Variants in WNT3A observed in about 807,000 individuals in gnomAD.
WNT3A encodes the protein Wnt family member 3A.
In WNT3A, 17 loss-of-function variants were observed where a neutral mutation model predicts 37.0. The ratio of observed to expected loss-of-function variants is 0.46; its 90% CI spans 0.31 to 0.69. The LOEUF (loss-of-function observed/expected upper bound fraction) is 0.69. Among genes scored for constraint, WNT3A ranks in the 30% least tolerant of loss-of-function variants. The pLI is 0.05. For synonymous variants in WNT3A, 187 were observed against 211.0 expected, an observed-to-expected ratio of 0.89 and a Z score of 0.99; for missense variants, 411 against 510.2, an observed-to-expected ratio of 0.81 and a Z score of 1.87.
At chr1:228,049,948 T>A (rs1322799168) in intron 2 of WNT3A, among the ~76,000 whole-genome samples, 1 of 152,004 alleles carries the variant, frequency 6.6e-6, no homozygotes, top group East Asian at 1.9e-4. Flanking sequence ...TTGCTAATTT[T>A]AACATTTTTT....
intron 2 of WNT3A, among the ~76,000 whole-genome samples, chr1:228,033,325 C>T (rs899332957): frequency 6.6e-6 from 1 of 150,760 alleles, no homozygotes; most frequent in Non-Finnish European, 1.5e-5. Flanking sequence ...GTGCTTACAT[C>T]TCGGTCTTTA....
In WNT3A at chr1:228,060,235, C is replaced by G; in HGVS notation, c.*770C>G. 2 of 1,351,786 alleles carry G rather than the reference C, an allele frequency of 1.5e-6. No individual in the cohort carries two copies. Among genetic ancestry groups the G allele is most frequent in the Non-Finnish European group, 9.8e-7 (1 of 1,021,536 alleles). The allele number at this position is 1,351,786 out of a possible 1,614,324, so 83.7% of individuals were successfully genotyped here. On this transcript the variant is annotated 3_prime_UTR_variant, in exon 4 of 4. Coordinates refer to ENST00000284523, the MANE Select transcript of WNT3A (RefSeq NM_033131.4). ...GCTCCAGAGCAGGAAATTCAGCCCA[C>G]CAGCCACCTCATCCCCAACCCCCTG...
chr1:228,053,288 GA>G (rs968010904), intron 3 of WNT3A, among the ~76,000 whole-genome samples: 1 of 151,826 alleles, frequency 6.6e-6, no homozygotes, highest in Non-Finnish European at 1.5e-5. Flanking sequence ...TAGCAACATG[GA>G]AAAAAAATAA....
chr1:228,008,281 C>A lies in WNT3A; in HGVS notation c.71+1082C>A, dbSNP rs926888173. Among the ~76,000 whole-genome samples, 1 of 152,210 alleles carries A rather than the reference C, an allele frequency of 6.6e-6. No individual in the cohort carries two copies. Among genetic ancestry groups the A allele is most frequent in the Non-Finnish European group, 1.5e-5 (1 of 68,040 alleles). On this transcript the variant is annotated intron_variant, in intron 1 of 3. Coordinates refer to ENST00000284523, the MANE Select transcript of WNT3A (RefSeq NM_033131.4). This position sits in a 1 kb window ranked among gnomAD's most constrained non-coding sequence, Gnocchi z 4.9. Reference sequence around the variant, plus strand: ...TCCCCACAAGCATGCACACTCCCCCCCATCCTTCTCCGACGGCAGCCTGGA... The same window carrying A: ...TCCCCACAAGCATGCACACTCCCCCACATCCTTCTCCGACGGCAGCCTGGA...
At position 228,041,106 on chromosome 1, in the gene WNT3A, C is replaced by T. The variant is rs960742915; in HGVS notation, c.314-9550C>T. ...GTCTCAACAAAATAAAAGCACTTGG[C>T]AGTCCTCTGTTAGTCCCCAGATGCT... On this transcript the variant is annotated intron_variant, in intron 2 of 3. Transcript: ENST00000284523. Among the ~76,000 whole-genome samples, 93 of 151,732 alleles carry T rather than the reference C, an allele frequency of 6.1e-4. 1 individual carries two copies. The Middle Eastern group carries it at 0.01, about 17-fold the overall frequency.
chr1:228,055,799 C>T (rs1241688274), intron 3 of WNT3A, among the ~76,000 whole-genome samples: 1 of 152,166 alleles, frequency 6.6e-6, no homozygotes, highest in Non-Finnish European at 1.5e-5. Flanking sequence ...TTATAGCCCA[C>T]TCACTCCACT....
intron 1 of WNT3A, among the ~76,000 whole-genome samples, chr1:228,013,870 G>A (rs1185845078): frequency 6.6e-6 from 1 of 152,220 alleles, no homozygotes; most frequent in South Asian, 2.1e-4. Context: ...CCCATGGAGT[G>A]GCCCTGATCT....
At chr1:228,040,468 C>T (rs757087447) in intron 2 of WNT3A, among the ~76,000 whole-genome samples, 5 of 152,152 alleles carry the variant, frequency 3.3e-5, no homozygotes, top group Non-Finnish European at 2.9e-5. Flanking sequence ...GAGGCTGCAG[C>T]CTTCTTTGCC....
At chr1:228,021,494 T>A (rs1214589970) in intron 1 of WNT3A, among the ~76,000 whole-genome samples, 2 of 152,012 alleles carry the variant, frequency 1.3e-5, no homozygotes, top group Non-Finnish European at 2.9e-5. Flanking sequence ...GAGCCCCTCC[T>A]CCCCACGTGC....
rs1469335673 is a variant in WNT3A at position 228,007,022 on chromosome 1, G to T, written c.-107G>T. 1.4e-5 allele frequency: 9 copies of T among 625,908 alleles called. No individual in the cohort carries two copies. Among genetic ancestry groups the T allele is most frequent in the Admixed American group, 5.5e-5 (1 of 18,026 alleles). The allele number at this position is 625,908 out of a possible 1,614,324, so 38.8% of individuals were successfully genotyped here. A position where few individuals can be genotyped will look rare whatever the true frequency, so the allele number is the denominator to read the frequency against. The stretch of plus-strand genomic sequence containing the variant: ...CGCGCACACCCGCGCACCCGCGGCC[G>T]CAGGAGGGCCCAGCGACGCCGCCGC... On this transcript the variant is annotated 5_prime_UTR_variant, in exon 1 of 4. Coordinates refer to ENST00000284523, the MANE Select transcript of WNT3A (RefSeq NM_033131.4). This position sits in a 1 kb window ranked among gnomAD's most constrained non-coding sequence, Gnocchi z 6.0.
In WNT3A at chr1:228,060,029, C is replaced by T. The variant is rs2031767559; in HGVS notation, c.*564C>T. On this transcript the variant is annotated 3_prime_UTR_variant, in exon 4 of 4. Transcript: ENST00000284523. ...TGGATGGGGCAGAGCTTCTCCTGAC[C>T]AGGGCAAGGCCCCTTCCACGGGGGC... The T allele has an allele frequency of 8.5e-7, 1 of 1,176,880 alleles. No homozygotes were observed. The highest frequency in any genetic ancestry group is 1.6e-5 in the African/African-American group (1 of 61,338). The allele number at this position is 1,176,880 out of a possible 1,614,324, so 72.9% of individuals were successfully genotyped here. A position where few individuals can be genotyped will look rare whatever the true frequency, so the allele number is the denominator to read the frequency against.
intron 3 of WNT3A, among the ~76,000 whole-genome samples, chr1:228,051,229 G>A (rs1424412219): frequency 1.3e-5 from 2 of 152,248 alleles, no homozygotes; most frequent in African/African-American, 2.4e-5. Flanking sequence ...CCACAGAGAC[G>A]GGGAGGAATT....
chr1:228,007,095 G>A lies in WNT3A; in HGVS notation c.-34G>A, dbSNP rs142002943. ...CCCCCGGCGCTCACGCTCTCGGGGC[G>A]GACTCCCGGCCCTCCGCGCCCTCTC... On this transcript the variant is annotated 5_prime_UTR_variant, in exon 1 of 4. Coordinates refer to ENST00000284523, the MANE Select transcript of WNT3A (RefSeq NM_033131.4). The surrounding 1 kb of genome is among the most constrained non-coding windows in gnomAD (Gnocchi z 6.0). 2.7e-3 allele frequency: 4,023 copies of A among 1,513,024 alleles called. 169 individuals are homozygous for A. The Admixed American group carries it at 0.072, about 27-fold the overall frequency. The allele number at this position is 1,513,024 out of a possible 1,614,324, so 93.7% of individuals were successfully genotyped here. A position where few individuals can be genotyped will look rare whatever the true frequency, so the allele number is the denominator to read the frequency against.
chr1:228,017,585 G>A (rs2030571277), intron 1 of WNT3A, among the ~76,000 whole-genome samples: 1 of 152,206 alleles, frequency 6.6e-6, no homozygotes, highest in African/African-American at 2.4e-5. Context: ...TCATGGCACA[G>A]GCCTGTGGTT....
chr1:228,034,001 C>T (rs2031074762), intron 2 of WNT3A, among the ~76,000 whole-genome samples: 1 of 152,114 alleles, frequency 6.6e-6, no homozygotes, highest in Non-Finnish European at 1.5e-5. Flanking sequence ...GTGGCTTATG[C>T]CTGTAATCCC....
chr1:228,041,009 A>ATC (rs1314426774), intron 2 of WNT3A, among the ~76,000 whole-genome samples: 12 of 110,366 alleles, frequency 1.1e-4, no homozygotes, highest in Non-Finnish European at 2.1e-4. Context: ...TCTACTACAT[A>ATC]TCTATATCTA....
Position 228,009,078 on chromosome 1 carries a change from A to G in WNT3A, c.71+1879A>G, listed in dbSNP as rs192203038. ...AGCGGGGCATAGAACCCCACCTGAC[A>G]CTGACCGGGGTGGGTGGTGAGGACC... On this transcript the variant is annotated intron_variant, in intron 1 of 3. Transcript: ENST00000284523. Among the ~76,000 whole-genome samples the G allele has an allele frequency of 3.4e-3, 519 of 152,232 alleles. 11 individuals are homozygous for G. The highest frequency in any genetic ancestry group is 0.028 in the East Asian group (145 of 5,150).
chr1:228,016,903 A>C (rs1208408403), intron 1 of WNT3A, among the ~76,000 whole-genome samples: 1 of 152,192 alleles, frequency 6.6e-6, no homozygotes, highest in African/African-American at 2.4e-5. Context: ...CAGGGAGGGC[A>C]CTGTGCCATT....
chr1:228,017,300 G>T (rs115052747), intron 1 of WNT3A, among the ~76,000 whole-genome samples: 427 of 152,294 alleles, frequency 2.8e-3, no homozygotes, highest in African/African-American at 9.6e-3. Flanking sequence ...AGTAAGAGGA[G>T]CGATGCTGGG....
Sources: allele counts gnomAD v4.1 joint callset (sites outside exome capture counted in the v4.1 genomes callset), GRCh38; gene constraint gnomAD v4.1.1; non-coding constraint Gnocchi (gnomAD v3.1); transcripts MANE v1.5; gene names NCBI Gene and HGNC (gene_info 2026-07-23, HGNC 2026-07-21).